MAP3K7: variants seen among roughly 807,000 people sequenced by gnomAD.
MAP3K7 encodes the protein TGF-beta activated kinase 1.
In MAP3K7, 21 loss-of-function variants were observed where a neutral mutation model predicts 84.8. The ratio of observed to expected loss-of-function variants is 0.25; its 90% CI spans 0.18 to 0.36. The LOEUF (loss-of-function observed/expected upper bound fraction) is 0.36, where lower values mean the gene tolerates loss of function less well. MAP3K7 is among the 10% of genes least tolerant of loss of function. MAP3K7 has a pLI of 1.00. For synonymous variants in MAP3K7, 241 were observed against 247.7 expected (o/e 0.97, Z 0.25); for missense variants, 503 against 747.7 (o/e 0.67, Z 3.82).
In MAP3K7 at chr6:90,514,546, A is replaced by AT. The variant is rs374071542; in HGVS notation, c.*1954dup. 179 of 75,468 alleles carry AT rather than the reference A, an allele frequency of 2.4e-3. 1 individual carries two copies. Among genetic ancestry groups the AT allele is most frequent in the African/African-American group, 9.1e-3 (162 of 17,900 alleles). The allele number at this position is 75,468 out of a possible 1,614,324, so 4.7% of individuals were successfully genotyped here. On this transcript the variant is annotated 3_prime_UTR_variant, in exon 17 of 17. Transcript: ENST00000369329. Reference sequence around the variant, plus strand: ...GACTACATGTAAAAACCATAATAAAATTTCCCTTAAATGTGTTATAATACA... The same window carrying AT: ...GACTACATGTAAAAACCATAATAAAATTTTCCCTTAAATGTGTTATAATACA...
chr6:90,532,171 A>C (rs1159978000), intron 13 of MAP3K7, among the ~76,000 whole-genome samples: 1 of 152,226 alleles, frequency 6.6e-6, no homozygotes, highest in Admixed American at 6.5e-5. Flanking sequence ...ATATCACTCA[A>C]TATGCGATAA....
chr6:90,549,559 G>A (rs993177539), intron 9 of MAP3K7, among the ~76,000 whole-genome samples: 1 of 152,094 alleles, frequency 6.6e-6, no homozygotes, highest in Non-Finnish European at 1.5e-5. Context: ...AATTATAATA[G>A]TTGATTGGAA....
At chr6:90,575,333 C>T (rs995097876) in intron 1 of MAP3K7, among the ~76,000 whole-genome samples, 2 of 152,144 alleles carry the variant, frequency 1.3e-5, no homozygotes, top group African/African-American at 2.4e-5. Flanking sequence ...TAATAAACTC[C>T]TCCCTCCCCC....
Position 90,587,018 on chromosome 6 carries a change from G to A in MAP3K7, c.-135C>T, listed in dbSNP as rs781645966. 73 of 1,106,714 alleles carry A rather than the reference G, an allele frequency of 6.6e-5. No individual in the cohort carries two copies. The highest frequency in any genetic ancestry group is 8.1e-5 in the Non-Finnish European group (67 of 830,366). The allele number at this position is 1,106,714 out of a possible 1,614,324, so 68.6% of individuals were successfully genotyped here. A position where few individuals can be genotyped will look rare whatever the true frequency, so the allele number is the denominator to read the frequency against. On this transcript the variant is annotated 5_prime_UTR_variant, in exon 1 of 17. Transcript: ENST00000369329. ...CTACTACCCGGCGATCCGTGGCGGGGGTAGAGGCAGCGGCCACAGCCGTGT... is the reference window on the plus strand; with the variant it reads ...CTACTACCCGGCGATCCGTGGCGGGAGTAGAGGCAGCGGCCACAGCCGTGT...
chr6:90,553,125 AT>A (rs1776231665), intron 7 of MAP3K7, among the ~76,000 whole-genome samples: 1 of 152,116 alleles, frequency 6.6e-6, no homozygotes, highest in African/African-American at 2.4e-5. Context: ...GATTTTATGT[AT>A]GTATTTTTTT....
At chr6:90,538,780 T>C (rs976927527) in intron 12 of MAP3K7, among the ~76,000 whole-genome samples, 45 of 151,944 alleles carry the variant, frequency 3.0e-4, no homozygotes, top group Admixed American at 1.1e-3. Flanking sequence ...ATTTAAAAGT[T>C]ATCCCGGGTT....
At chr6:90,574,639 T>C (rs1462132087) in intron 1 of MAP3K7, among the ~76,000 whole-genome samples, 2 of 152,240 alleles carry the variant, frequency 1.3e-5, no homozygotes, top group Non-Finnish European at 2.9e-5. Flanking sequence ...CTTTCATTTC[T>C]TCCATTTTGA....
intron 16 of MAP3K7, among the ~76,000 whole-genome samples, chr6:90,518,050 C>T (rs993635463): frequency 6.6e-6 from 1 of 151,708 alleles, no homozygotes; most frequent in Non-Finnish European, 1.5e-5. Context: ...TTATGAAATA[C>T]AGTCTTTTAA....
chr6:90,561,205 A>G (rs1349161362), intron 4 of MAP3K7, among the ~76,000 whole-genome samples: 1 of 152,092 alleles, frequency 6.6e-6, no homozygotes, highest in Non-Finnish European at 1.5e-5. Context: ...TACAAATAAA[A>G]GGTTGTGTGA....
chr6:90,566,426 A>C (rs1776706573), intron 3 of MAP3K7, among the ~76,000 whole-genome samples: 1 of 152,208 alleles, frequency 6.6e-6, no homozygotes, highest in South Asian at 2.1e-4. Context: ...TAACAGACAA[A>C]CAGAGAGCCA....
rs1487003452 is a variant in MAP3K7, at chr6:90,548,188, CA to C, written c.950-12del. 6.3e-7 allele frequency: 1 copy of C among 1,599,784 alleles called. No individual in the cohort carries two copies. ...TGTCCATGAATGAGCCTAGGAAAAG[CA>C]GAAACATTTATGACTAATGGCTGGA... On this transcript the variant is annotated splice_polypyrimidine_tract_variant and intron_variant, in intron 9 of 16. Coordinates refer to ENST00000369329, the MANE Select transcript of MAP3K7 (RefSeq NM_145331.3).
At chr6:90,550,342 C>A in intron 9 of MAP3K7, 126 bp downstream of exon 9, 1 of 597,546 alleles carries the variant, frequency 1.7e-6, no homozygotes, top group Non-Finnish European at 2.8e-6. Context: ...AAATTGCAGT[C>A]AATCATATGA....
intron 1 of MAP3K7, among the ~76,000 whole-genome samples, chr6:90,586,484 A>C (rs1582256443): frequency 6.6e-6 from 1 of 151,964 alleles, no homozygotes; most frequent in East Asian, 1.9e-4. Context: ...GAACTGGTGG[A>C]CCACACTATC....
intron 12 of MAP3K7, 41 bp downstream of exon 12, chr6:90,544,511 G>T: frequency 6.5e-7 from 1 of 1,544,836 alleles, no homozygotes; most frequent in Non-Finnish European, 8.9e-7. Flanking sequence ...TCATTATTCC[G>T]GTTCCACAGC....
intron 7 of MAP3K7, 142 bp from the exon 8 acceptor site, chr6:90,552,321 T>C (rs1776207945): frequency 9.4e-6 from 7 of 744,952 alleles, no homozygotes; most frequent in African/African-American, 1.8e-5. Context: ...TAAAAGTGCT[T>C]TGTAATTTTA....
chr6:90,536,372 G>C lies in MAP3K7; in HGVS notation c.1321C>G (p.Gln441Glu). ...TCTGTTCCAGTTACAGTCAAGTCTT[G>C]GATGGATCTACGTCTTGGCTGTCCG... ...GNGQPRRRSI[Q>E]DLTVTGTEPG... is the part of the protein sequence containing the mutation. The change falls in exon 13 of 17, where the codon CAA (glutamine) becomes GAA (glutamate). Residue 441 changes from glutamine to glutamate, a missense_variant. Physicochemically the swap from Gln to Glu is conservative, Grantham distance 29. Around this residue, in one of 5 missense-constraint regions of MAP3K7, gnomAD observed 286 missense variants for 313.6 expected, o/e 0.91. Transcript: ENST00000369329. 6.2e-7 allele frequency: 1 copy of C among 1,612,244 alleles called. No homozygotes were observed. Among genetic ancestry groups the C allele is most frequent in the Middle Eastern group, 1.7e-4 (1 of 6,052 alleles).
chr6:90,549,528 G>C (rs1316872330), intron 9 of MAP3K7, among the ~76,000 whole-genome samples: 1 of 152,116 alleles, frequency 6.6e-6, no homozygotes, highest in Non-Finnish European at 1.5e-5. Flanking sequence ...AGGCTAGAAA[G>C]ATGAAAATTA....
intron 4 of MAP3K7, 114 bp downstream of exon 4, chr6:90,561,508 C>T (rs1252759491): frequency 1.5e-5 from 10 of 656,396 alleles, no homozygotes; most frequent in Non-Finnish European, 2.6e-5. Flanking sequence ...AAAATTATGC[C>T]CTTTTGGGAC....
Position 90,516,395 on chromosome 6 carries a change from G to A in MAP3K7, c.*106C>T, listed in dbSNP as rs1774962892. On this transcript the variant is annotated 3_prime_UTR_variant, in exon 17 of 17. Transcript: ENST00000369329. ...AGCAAATATAGGCAGTTGGCATTCAGAACACGCCAAAAAGCTAACACTCAT... is the reference window on the plus strand; with the variant it reads ...AGCAAATATAGGCAGTTGGCATTCAAAACACGCCAAAAAGCTAACACTCAT... 2 of 1,179,268 alleles carry A rather than the reference G, an allele frequency of 1.7e-6. No homozygotes were observed. Among genetic ancestry groups the A allele is most frequent in the Non-Finnish European group, 2.5e-6 (2 of 816,084 alleles). 73.1% of individuals were successfully genotyped at this position (1,179,268 alleles called of 1,614,324 possible).
Sources: gnomAD v4.1 joint callset for allele counts (sites outside exome capture counted in the v4.1 genomes callset) on GRCh38, gnomAD v4.1.1 for gene constraint, gnomAD v4.1.1 regional missense constraint, MANE v1.5 for transcripts, NCBI Gene and HGNC (gene_info 2026-07-23, HGNC 2026-07-21) for gene names.